Variants in ANP32A observed in about 807,000 individuals in gnomAD.
The protein encoded by ANP32A is acidic nuclear phosphoprotein 32 family member A, also known as acidic leucine-rich nuclear phosphoprotein 32 family member A.
Under a neutral mutation model 33.9 loss-of-function variants are expected in ANP32A, and 1 was observed. The observed-to-expected ratio is 0.03, with a 90% CI of 0.01 to 0.14. The LOEUF (loss-of-function observed/expected upper bound fraction) is 0.14. Ranked by LOEUF, ANP32A falls within the 10% of genes least tolerant of loss-of-function variation. ANP32A has a pLI of 1.00. For synonymous variants in ANP32A, 115 were observed against 120.5 expected, an observed-to-expected ratio of 0.95 and a Z score of 0.30; for missense variants, 155 against 306.0, an observed-to-expected ratio of 0.51 and a Z score of 3.68.
chr15:68,787,496 C>T lies in ANP32A; in HGVS notation c.244G>A (p.Val82Ile). Residue 82 changes from valine (V) to isoleucine (I), a missense_variant, in exon 3 of 7, where the codon GTA becomes ATA. Around this residue, in one of 4 missense-constraint regions of ANP32A, gnomAD observed 85 missense variants for 183.8 expected, o/e 0.46. Coordinates refer to ENST00000465139, the MANE Select transcript of ANP32A (RefSeq NM_006305.4). ...AGGTTCGGACACTTTTCTGCCAATA[C>T]TTCCAGGCCCCCTGAGACTCTGTTA... ...SDNRVSGGLEVLAEKCPNLTH... is the reference protein window; with the variant it reads ...SDNRVSGGLEILAEKCPNLTH... 6.2e-7 allele frequency: 1 copy of T among 1,614,196 alleles called. No homozygotes were observed. The highest frequency in any genetic ancestry group is 8.5e-7 in the Non-Finnish European group (1 of 1,180,032).
chr15:68,794,160 T>C (rs1894033618), intron 1 of ANP32A, among the ~76,000 whole-genome samples: 1 of 152,220 alleles, frequency 6.6e-6, no homozygotes. Flanking sequence ...AAAAAGCCAC[T>C]TGCCTTCCCC....
rs538074459 is a variant in ANP32A, at chr15:68,780,353, A to T, written c.688+57T>A. The T allele has an allele frequency of 3.7e-6, 6 of 1,612,874 alleles. No individual in the cohort carries two copies. The African/African-American group carries it at 8.0e-5, about 21-fold the overall frequency. On this transcript the variant is annotated intron_variant, in intron 6 of 6. Transcript: ENST00000465139. This position sits in a 1 kb window ranked among gnomAD's most constrained non-coding sequence, Gnocchi z 4.3. ...AGGGGCCTCTGAGTCTAAGCAATCTAAGGCCAAAGTGAAAGGGCCAGGCTG... is the reference window on the plus strand; with the variant it reads ...AGGGGCCTCTGAGTCTAAGCAATCTTAGGCCAAAGTGAAAGGGCCAGGCTG...
chr15:68,786,791 A>G (rs1893938872), intron 3 of ANP32A, among the ~76,000 whole-genome samples: 1 of 152,166 alleles, frequency 6.6e-6, no homozygotes, highest in South Asian at 2.1e-4. Context: ...TATCTCTACA[A>G]GGATGAGCAG....
chr15:68,789,504 G>A (rs1893974153), intron 1 of ANP32A: 1 of 152,352 alleles, frequency 6.6e-6, no homozygotes. Flanking sequence ...GAATGACTAG[G>A]TGCCCCTCTT....
chr15:68,815,513 A>C (rs1894368866), intron 1 of ANP32A, among the ~76,000 whole-genome samples: 1 of 152,228 alleles, frequency 6.6e-6, no homozygotes, highest in Non-Finnish European at 1.5e-5. Flanking sequence ...CCATACCATC[A>C]AATTGACTGC....
intron 1 of ANP32A, among the ~76,000 whole-genome samples, chr15:68,812,182 G>A (rs545097456): frequency 6.6e-6 from 1 of 152,354 alleles, no homozygotes; most frequent in East Asian, 1.9e-4. Context: ...GAGACAAAAA[G>A]GGAAGGTGCC....
chr15:68,797,246 A>T (rs966420051), intron 1 of ANP32A, among the ~76,000 whole-genome samples: 2 of 152,150 alleles, frequency 1.3e-5, no homozygotes, highest in Non-Finnish European at 2.9e-5. Flanking sequence ...CTCACAGGTC[A>T]TTGAGTGGCC....
In ANP32A at chr15:68,800,796, G is replaced by A. The variant is rs1894124506; in HGVS notation, c.55-12877C>T. Among the ~76,000 whole-genome samples the A allele has an allele frequency of 2.7e-5, 4 of 150,932 alleles. No individual in the cohort carries two copies. The South Asian group carries it at 8.4e-4, about 32-fold the overall frequency. On this transcript the variant is annotated intron_variant, in intron 1 of 6. Coordinates refer to ENST00000465139, the MANE Select transcript of ANP32A (RefSeq NM_006305.4). ...AGGACAGAAAAGCAATAGTGACAAG[G>A]GACACTACTTTAGAGAGGGTAACCA...
intron 1 of ANP32A, among the ~76,000 whole-genome samples, chr15:68,811,776 C>T (rs747689716): frequency 5.3e-5 from 8 of 152,148 alleles, no homozygotes; most frequent in Non-Finnish European, 8.8e-5. Flanking sequence ...CGCTCGTTGC[C>T]CAGGCTGGAA....
At chr15:68,818,916 A>G (rs1371283050) in intron 1 of ANP32A, among the ~76,000 whole-genome samples, 1 of 150,620 alleles carries the variant, frequency 6.6e-6, no homozygotes, top group African/African-American at 2.4e-5. Flanking sequence ...ACCGCCCGCA[A>G]ATAGTGCGCG....
At chr15:68,785,195 T>C (rs1182060692) in intron 3 of ANP32A, among the ~76,000 whole-genome samples, 1 of 152,194 alleles carries the variant, frequency 6.6e-6, no homozygotes, top group Non-Finnish European at 1.5e-5. Flanking sequence ...GCTCTTACTC[T>C]TTGAATATTG....
chr15:68,819,844 C>T (rs1020215380), intron 1 of ANP32A, among the ~76,000 whole-genome samples: 3 of 152,166 alleles, frequency 2.0e-5, no homozygotes, highest in Non-Finnish European at 2.9e-5. Flanking sequence ...AAAATCCCTC[C>T]CCCTCCTTCT....
intron 1 of ANP32A, among the ~76,000 whole-genome samples, chr15:68,804,626 C>T (rs1219619571): frequency 2.0e-5 from 3 of 152,188 alleles, no homozygotes; most frequent in African/African-American, 7.2e-5. Flanking sequence ...TCTGATTCTC[C>T]TGCCTCAGCC....
In ANP32A at chr15:68,780,435, G is replaced by A. The variant is rs771627129; in HGVS notation, c.663C>T (p.Asp221=). ...CACCAAGCTCTTCTTCATCTTCCTCGTCATCTACCTCTCCATCGTTATAAC... is the reference window on the plus strand; with the variant it reads ...CACCAAGCTCTTCTTCATCTTCCTCATCATCTACCTCTCCATCGTTATAAC... ...EEGYNDGEVD[D]EEDEEELGEE... The change falls in exon 6 of 7, where the codon GAC becomes GAT. Residue 221 remains aspartate (D), a synonymous_variant. Transcript: ENST00000465139. The surrounding 1 kb of genome is among the most constrained non-coding windows in gnomAD (Gnocchi z 4.3). The A allele has an allele frequency of 1.1e-5, 17 of 1,613,792 alleles. No homozygotes were observed. Among genetic ancestry groups the A allele is most frequent in the Middle Eastern group, 1.6e-4 (1 of 6,084 alleles).
chr15:68,807,426 A>AAAG (rs1256908259), intron 1 of ANP32A, among the ~76,000 whole-genome samples: 1 of 32,936 alleles, frequency 3.0e-5, no homozygotes, highest in Admixed American at 5.4e-4. Context: ...TCCACAGAAA[A>AAAG]CGGGGGGGGG....
At position 68,814,747 on chromosome 15, in the gene ANP32A, G is replaced by A. The variant is rs138823775; in HGVS notation, c.54+5951C>T. 2.9e-4 allele frequency among the ~76,000 whole-genome samples: 44 copies of A among 152,278 alleles called. 1 individual carries two copies. The East Asian group carries it at 5.4e-3, about 19-fold the overall frequency. ...TGCTGGTTCATTCCCCAGGAAACAC[G>A]CATGGTAGAAAAGCAGCAGGCCAAA... On this transcript the variant is annotated intron_variant, in intron 1 of 6. Coordinates refer to ENST00000465139, the MANE Select transcript of ANP32A (RefSeq NM_006305.4).
chr15:68,814,759 A>T (rs1169815103), intron 1 of ANP32A, among the ~76,000 whole-genome samples: 3 of 151,934 alleles, frequency 2.0e-5, no homozygotes, highest in Non-Finnish European at 4.4e-5. Flanking sequence ...ATGGTAGAAA[A>T]GCAGCAGGCC....
intron 1 of ANP32A, among the ~76,000 whole-genome samples, chr15:68,794,073 G>T (rs556288373): frequency 6.6e-6 from 1 of 152,150 alleles, no homozygotes; most frequent in Non-Finnish European, 1.5e-5. Context: ...CTGAGCTTCC[G>T]TTTCCTTTAG....
chr15:68,819,887 ACAT>A (rs1894447167), intron 1 of ANP32A, among the ~76,000 whole-genome samples: 1 of 152,230 alleles, frequency 6.6e-6, no homozygotes, highest in Non-Finnish European at 1.5e-5. Context: ...AAAGGAAGAA[ACAT>A]CAGCATCTGG....
Sources: allele counts gnomAD v4.1 joint callset (sites outside exome capture counted in the v4.1 genomes callset), GRCh38; gene constraint gnomAD v4.1.1; regional missense constraint gnomAD v4.1.1; non-coding constraint Gnocchi (gnomAD v3.1); transcripts MANE v1.5; gene names NCBI Gene and HGNC (gene_info 2026-07-23, HGNC 2026-07-21).